PLCG2: variants seen among roughly 807,000 people sequenced by gnomAD.
PLCG2 encodes the protein 1-phosphatidylinositol 4,5-bisphosphate phosphodiesterase gamma-2.
A neutral mutation model predicts 175.6 loss-of-function variants in PLCG2; 69 were observed. That is an observed-to-expected ratio of 0.39 (90% CI 0.32 to 0.48). PLCG2 has a LOEUF of 0.48. Ranked by LOEUF, PLCG2 falls within the 20% of genes least tolerant of loss-of-function variation. The pLI, the probability that PLCG2 is intolerant of heterozygous loss-of-function variation, is 0.91. For missense variants in PLCG2, 1,798 were observed against 1,650.9 expected (o/e 1.09, Z -1.54); for synonymous variants, 827 against 624.0 (o/e 1.33, Z -4.85).
At chr16:81,776,586 G>C (rs921293276), upstream of PLCG2, among the ~76,000 whole-genome samples, 4 of 152,050 alleles carry the variant, frequency 2.6e-5, no homozygotes, top group Non-Finnish European at 5.9e-5. Context: ...ATGGAGTCTT[G>C]ATCTATCACC....
chr16:81,954,123 T>C (rs77512205), intron 31 of PLCG2, among the ~76,000 whole-genome samples: 17,059 of 152,058 alleles, frequency 0.11, 1,041 homozygotes, highest in Middle Eastern at 0.16. Flanking sequence ...CCTGGGCTCA[T>C]GTGATCTTAC....
At chr16:81,940,576 G>A (rs900017403) in intron 30 of PLCG2, among the ~76,000 whole-genome samples, 1 of 152,116 alleles carries the variant, frequency 6.6e-6, no homozygotes, top group African/African-American at 2.4e-5. Context: ...TTTCTTCCCT[G>A]CTGAAGAAAA....
At chr16:81,849,046 A>AGGG (rs61132889) in intron 2 of PLCG2, among the ~76,000 whole-genome samples, 3,627 of 152,168 alleles carry the variant, frequency 0.024, 140 homozygotes, top group African/African-American at 0.081. Flanking sequence ...AGATGCTTGG[A>AGGG]GGGGCCTGTG....
chr16:81,796,391 G>A (rs1298783905), intron 2 of PLCG2, among the ~76,000 whole-genome samples: 3 of 152,250 alleles, frequency 2.0e-5, no homozygotes, highest in Non-Finnish European at 2.9e-5. Context: ...CAGCACACAT[G>A]AGCAGGCTGC....
At chr16:81,902,488 A>ATATT (rs1909192048) in intron 14 of PLCG2, among the ~76,000 whole-genome samples, 1 of 152,132 alleles carries the variant, frequency 6.6e-6, no homozygotes, top group African/African-American at 2.4e-5. Context: ...TTATTTTTAA[A>ATATT]TATTTATTTA....
Position 81,786,851 on chromosome 16 carries a change from A to T in PLCG2, c.193+669A>T, listed in dbSNP as rs1424197036. Among the ~76,000 whole-genome samples the T allele has an allele frequency of 2.0e-5, 3 of 152,222 alleles. No individual in the cohort carries two copies. The East Asian group carries it at 5.8e-4, about 29-fold the overall frequency. On this transcript the variant is annotated intron_variant, in intron 2 of 32. Coordinates refer to ENST00000564138, the MANE Select transcript of PLCG2 (RefSeq NM_002661.5). ...TTTAAATTAACTAGTTTTTAATTGA[A>T]ATATATATTCCTGGGGGTTAAGGAG... is the stretch of plus-strand genomic sequence containing the variant.
rs191850500 is a variant in PLCG2, at chr16:81,760,086, A to G, written c.-48+4120A>G. On this transcript the variant is annotated intron_variant, in intron 2 of 5. Coordinates refer to the PLCG2 transcript ENST00000565054. ...GCTTGCAGTGAGCCGAGATCGCGCC[A>G]CTGCTCATCTATCAGTTGTAGGAGG... Among the ~76,000 whole-genome samples, 306 of 152,342 alleles carry G rather than the reference A, an allele frequency of 2.0e-3. 2 individuals carry two copies. Among genetic ancestry groups the G allele is most frequent in the African/African-American group, 6.9e-3 (289 of 41,584 alleles).
intron 2 of PLCG2, among the ~76,000 whole-genome samples, chr16:81,809,139 G>T (rs892411086): frequency 6.6e-6 from 1 of 152,138 alleles, no homozygotes; most frequent in Non-Finnish European, 1.5e-5. Flanking sequence ...TGCTTTTGTG[G>T]CAGGGAACTG....
At position 81,958,368 on chromosome 16, in the gene PLCG2, A is replaced by G. The variant is rs1350850406; in HGVS notation, c.*370A>G. The G allele has an allele frequency of 3.8e-6, 1 of 264,236 alleles. No homozygotes were observed. Among genetic ancestry groups the G allele is most frequent in the Non-Finnish European group, 7.2e-6 (1 of 138,462 alleles). The allele number at this position is 264,236 out of a possible 1,614,324, so 16.4% of individuals were successfully genotyped here. On this transcript the variant is annotated 3_prime_UTR_variant, in exon 33 of 33. Coordinates refer to ENST00000564138, the MANE Select transcript of PLCG2 (RefSeq NM_002661.5). ...TTCTGGCCAAGAAGATTCTACCTCT[A>G]ATGATCCAGGTAACTGATGTCCATG...
chr16:81,956,928 C>G, intron 32 of PLCG2, 49 bp downstream of exon 32: 1 of 1,496,194 alleles, frequency 6.7e-7, no homozygotes, highest in Non-Finnish European at 9.3e-7. Flanking sequence ...TCTCTAGGCA[C>G]GGTGATGATG....
intron 2 of PLCG2, among the ~76,000 whole-genome samples, chr16:81,816,922 T>C (rs1459980762): frequency 6.6e-6 from 1 of 152,152 alleles, no homozygotes; most frequent in Non-Finnish European, 1.5e-5. Flanking sequence ...GTTCTGCCTC[T>C]TTCTAGCTGG....
At chr16:81,921,058 G>A (rs1384980407) in intron 20 of PLCG2, 140 bp from the exon 21 acceptor site, 5 of 581,158 alleles carry the variant, frequency 8.6e-6, no homozygotes, top group African/African-American at 1.9e-5. Flanking sequence ...TCTACTCATG[G>A]GCCAAAAGAA....
intron 7 of PLCG2, among the ~76,000 whole-genome samples, chr16:81,874,850 G>A (rs1374278751): frequency 6.6e-6 from 1 of 151,778 alleles, no homozygotes; most frequent in African/African-American, 2.4e-5. Flanking sequence ...CCCTGGTGAG[G>A]GGATATACCT....
At chr16:81,889,899 C>A (rs1908551546) in intron 10 of PLCG2, among the ~76,000 whole-genome samples, 1 of 152,124 alleles carries the variant, frequency 6.6e-6, no homozygotes, top group African/African-American at 2.4e-5. Context: ...TTGTGATCAG[C>A]CCGCCTCAGC....
At chr16:81,785,284 C>T (rs1438356921) in intron 1 of PLCG2, among the ~76,000 whole-genome samples, 4 of 152,108 alleles carry the variant, frequency 2.6e-5, no homozygotes, top group African/African-American at 9.7e-5. Flanking sequence ...TTTCTGAACA[C>T]TCCCATTTTA....
intron 4 of PLCG2, among the ~76,000 whole-genome samples, 171 bp from the exon 5 acceptor site, chr16:81,858,945 C>G (rs1397502413): frequency 1.3e-5 from 2 of 152,140 alleles, no homozygotes; most frequent in Non-Finnish European, 1.5e-5. Flanking sequence ...TTAGATAGGC[C>G]TTTTCCACAC....
At chr16:81,802,652 A>C (rs1336324481) in intron 2 of PLCG2, among the ~76,000 whole-genome samples, 2 of 147,112 alleles carry the variant, frequency 1.4e-5, no homozygotes, top group Non-Finnish European at 3.0e-5. Flanking sequence ...GCTCACTACA[A>C]CCTCTGCCTC....
intron 7 of PLCG2, among the ~76,000 whole-genome samples, chr16:81,878,889 T>A (rs1907944808): frequency 6.6e-6 from 1 of 152,124 alleles, no homozygotes. Context: ...CTGCTCTGCG[T>A]CCCAGGGGCC....
intron 2 of PLCG2, among the ~76,000 whole-genome samples, chr16:81,850,622 C>A (rs1010302086): frequency 6.6e-6 from 1 of 152,128 alleles, no homozygotes; most frequent in Non-Finnish European, 1.5e-5. Flanking sequence ...AGAGAATTCT[C>A]TTCCTGGCTC....
Sources: gnomAD v4.1 joint callset for allele counts (sites outside exome capture counted in the v4.1 genomes callset) on GRCh38, gnomAD v4.1.1 for gene constraint, MANE v1.5 for transcripts, NCBI Gene and HGNC (gene_info 2026-07-23, HGNC 2026-07-21) for gene names.